The following ADAM12 variants were observed in gnomAD, a reference collection of about 807,000 sequenced individuals.
ADAM12 encodes ADAM metallopeptidase domain 12.
ADAM12 carries 70 observed loss-of-function variants against 106.4 expected under a neutral mutation model. The observed-to-expected ratio is 0.66, with a 90% CI of 0.54 to 0.80. The LOEUF (loss-of-function observed/expected upper bound fraction) is 0.80, where lower values mean the gene tolerates loss of function less well. ADAM12 is among the 30% of genes least tolerant of loss of function. The pLI is 0.00. For synonymous variants in ADAM12, 420 were observed against 433.5 expected, an observed-to-expected ratio of 0.97 and a Z score of 0.39; for missense variants, 1,010 against 1,171.9, an observed-to-expected ratio of 0.86 and a Z score of 2.02.
intron 1 of ADAM12, among the ~76,000 whole-genome samples, chr10:126,338,131 C>T: frequency 6.6e-6 from 1 of 151,894 alleles, no homozygotes; most frequent in East Asian, 1.9e-4. Flanking sequence ...TCATAAATGT[C>T]TAAATAGATT....
At chr10:126,111,481 A>T (rs1008688163) in intron 6 of ADAM12, among the ~76,000 whole-genome samples, 2 of 152,206 alleles carry the variant, frequency 1.3e-5, no homozygotes, top group Admixed American at 6.5e-5. Context: ...CATTAAAAAA[A>T]TTTGGCTAAT....
chr10:126,286,096 C>T (rs1368556015), intron 2 of ADAM12, among the ~76,000 whole-genome samples: 1 of 151,754 alleles, frequency 6.6e-6, no homozygotes, highest in Non-Finnish European at 1.5e-5. Flanking sequence ...CAAAATACCT[C>T]GAGTCCATAA....
At chr10:126,345,492 G>A (rs1224996432) in intron 1 of ADAM12, among the ~76,000 whole-genome samples, 1 of 151,976 alleles carries the variant, frequency 6.6e-6, no homozygotes, top group Non-Finnish European at 1.5e-5. Flanking sequence ...CTCCTTTTTT[G>A]TTGTGTCTCT....
At position 126,278,943 on chromosome 10, in the gene ADAM12, C is replaced by A; in HGVS notation, c.232G>T (p.Glu78Ter). Residue 78 changes from glutamate (E) to a stop codon, truncating the protein, a stop_gained, in exon 3 of 23, where the codon GAA (glutamate) becomes TAA (stop). Transcript: ENST00000448723. LOFTEE classifies it high-confidence loss of function. ...LNIRLQRESK[E>*]LIINLERNEG... ...TTTCTTTCCAGATTTATGATCAGTT[C>A]TTTGCTTTCCCGTTGTAGTCGAATA... 6.2e-7 allele frequency: 1 copy of A among 1,612,786 alleles called. No individual in the cohort carries two copies. Among genetic ancestry groups the A allele is most frequent in the Non-Finnish European group, 8.5e-7 (1 of 1,179,038 alleles).
chr10:126,287,654 C>T (rs577971751), intron 2 of ADAM12, among the ~76,000 whole-genome samples: 8 of 151,914 alleles, frequency 5.3e-5, no homozygotes, highest in Non-Finnish European at 1.2e-4. Flanking sequence ...GCTTCTGGGT[C>T]CTTGTGGCTG....
chr10:126,066,593 G>T lies in ADAM12; in HGVS notation c.1413+124C>A. The T allele has an allele frequency of 1.2e-6, 1 of 854,932 alleles. No individual in the cohort carries two copies. Among genetic ancestry groups the T allele is most frequent in the Non-Finnish European group, 1.9e-6 (1 of 526,340 alleles). The allele number at this position is 854,932 out of a possible 1,614,324, so 53.0% of individuals were successfully genotyped here. ...GTAACACCAACTGGCGTGAGAAGGA[G>T]GGATGGTGCGTGCTGTGGTGAGTGC... On this transcript the variant is annotated intron_variant, in intron 13 of 22. Coordinates refer to ENST00000448723, the MANE Select transcript of ADAM12 (RefSeq NM_001288973.2). This position sits in a 1 kb window ranked among gnomAD's most constrained non-coding sequence, Gnocchi z 5.1.
intron 21 of ADAM12, among the ~76,000 whole-genome samples, chr10:126,035,191 A>G (rs1047062216): frequency 3.3e-5 from 5 of 152,178 alleles, no homozygotes; most frequent in African/African-American, 9.6e-5. Context: ...TGGGAACGCA[A>G]ATGTATATGA....
chr10:126,337,609 G>C (rs1338856708), intron 1 of ADAM12, among the ~76,000 whole-genome samples: 1 of 152,138 alleles, frequency 6.6e-6, no homozygotes, highest in Non-Finnish European at 1.5e-5. Flanking sequence ...TCCTCTTCCA[G>C]TCCAACTCAA....
intron 1 of ADAM12, among the ~76,000 whole-genome samples, chr10:126,354,034 C>CTTT (rs34474316): frequency 1.0e-3 from 148 of 144,888 alleles, no homozygotes; most frequent in African/African-American, 3.6e-3. Context: ...TGTTAACAAG[C>CTTT]TTTTTTTTTT....
intron 1 of ADAM12, among the ~76,000 whole-genome samples, chr10:126,372,998 G>A (rs1201250946): frequency 1.3e-5 from 2 of 152,192 alleles, no homozygotes; most frequent in East Asian, 3.9e-4. Context: ...GAATTGAATA[G>A]ACTAAATCTG....
At chr10:126,281,766 T>C (rs780361659) in intron 2 of ADAM12, among the ~76,000 whole-genome samples, 14 of 152,334 alleles carry the variant, frequency 9.2e-5, no homozygotes, top group Middle Eastern at 3.4e-3. Flanking sequence ...AATGGAACTG[T>C]GTCTTTTATT....
At chr10:126,344,631 G>A (rs1209385393) in intron 1 of ADAM12, among the ~76,000 whole-genome samples, 7 of 152,142 alleles carry the variant, frequency 4.6e-5, no homozygotes, top group Non-Finnish European at 1.0e-4. Flanking sequence ...CCATTTTTAC[G>A]ATATTGATTC....
intron 11 of ADAM12, among the ~76,000 whole-genome samples, chr10:126,076,281 G>A (rs147648989): frequency 2.6e-5 from 4 of 152,322 alleles, no homozygotes; most frequent in Non-Finnish European, 5.9e-5. Flanking sequence ...TGGCTGTGTA[G>A]TATTCCATAC....
chr10:126,190,220 T>A (rs1396125854), intron 3 of ADAM12, among the ~76,000 whole-genome samples: 1 of 151,668 alleles, frequency 6.6e-6, no homozygotes, highest in Non-Finnish European at 1.5e-5. Flanking sequence ...CTTTTTTTTT[T>A]AGACGGAGTC....
At chr10:126,340,264 G>C (rs1564743250) in intron 1 of ADAM12, among the ~76,000 whole-genome samples, 1 of 152,190 alleles carries the variant, frequency 6.6e-6, no homozygotes, top group Non-Finnish European at 1.5e-5. Flanking sequence ...TATTCATAAG[G>C]CAAACATGGA....
intron 19 of ADAM12, 80 bp downstream of exon 19, chr10:126,039,214 T>TG: frequency 6.5e-7 from 1 of 1,543,988 alleles, no homozygotes; most frequent in South Asian, 1.1e-5. Context: ...CCCAAAGTGC[T>TG]GGGATTACAG....
At chr10:126,077,804 C>T (rs1222879767) in intron 11 of ADAM12, among the ~76,000 whole-genome samples, 1 of 152,024 alleles carries the variant, frequency 6.6e-6, no homozygotes, top group South Asian at 2.1e-4. Flanking sequence ...CCCTTATTCC[C>T]CCACCTTTTT....
chr10:126,067,387 T>C (rs1175455500), intron 12 of ADAM12, among the ~76,000 whole-genome samples: 1 of 152,136 alleles, frequency 6.6e-6, no homozygotes, highest in African/African-American at 2.4e-5. Context: ...AAGTCAGAAA[T>C]GGACCTTATA....
chr10:126,068,385 TC>T (rs1489070642), intron 12 of ADAM12, among the ~76,000 whole-genome samples: 2 of 151,938 alleles, frequency 1.3e-5, no homozygotes, highest in Non-Finnish European at 2.9e-5. Flanking sequence ...AGAAATATCT[TC>T]CCCCCTCTCT....
Sources: allele counts gnomAD v4.1 joint callset (sites outside exome capture counted in the v4.1 genomes callset), GRCh38; gene constraint gnomAD v4.1.1; non-coding constraint Gnocchi (gnomAD v3.1); transcripts MANE v1.5; gene names NCBI Gene and HGNC (gene_info 2026-07-23, HGNC 2026-07-21).